Variants in TNRC6B observed in about 807,000 individuals in gnomAD.
TNRC6B encodes the protein trinucleotide repeat-containing gene 6B protein.
In TNRC6B, 52 loss-of-function variants were observed where a neutral mutation model predicts 203.6. The observed-to-expected ratio is 0.26, with a 90% CI of 0.20 to 0.32. The LOEUF (loss-of-function observed/expected upper bound fraction) is 0.32. Among genes scored for constraint, TNRC6B ranks in the 10% least tolerant of loss-of-function variants. The pLI, the probability that TNRC6B is intolerant of heterozygous loss-of-function variation, is 1.00. For missense variants in TNRC6B, 1,923 were observed against 2,286.2 expected (o/e 0.84, Z 3.24); for synonymous variants, 838 against 845.7 (o/e 0.99, Z 0.16).
intron 3 of TNRC6B, among the ~76,000 whole-genome samples, chr22:40,130,332 G>C (rs1281759117): frequency 6.6e-6 from 1 of 152,064 alleles, no homozygotes; most frequent in Non-Finnish European, 1.5e-5. Flanking sequence ...GAAAGGAAGT[G>C]GGTTCAGCTT....
intron 21 of TNRC6B, among the ~76,000 whole-genome samples, chr22:40,316,324 A>C (rs999402496): frequency 2.0e-5 from 3 of 151,260 alleles, no homozygotes; most frequent in Non-Finnish European, 2.9e-5. Flanking sequence ...AGTGCACTCC[A>C]GCCTGGGCGA....
intron 1 of TNRC6B, among the ~76,000 whole-genome samples, chr22:40,230,282 CT>C (rs56122256): frequency 0.31 from 29,128 of 94,584 alleles, 4,523 homozygotes; most frequent in East Asian, 0.52. Context: ...TGCCCATCTT[CT>C]TTTTTTTTTT....
rs747311146 is a variant in TNRC6B at position 40,266,723 on chromosome 22, A to G, written c.2493A>G (p.Pro831=). The change falls in exon 5 of 23, where the codon CCA becomes CCG. Residue 831 remains proline (P), a synonymous_variant. Transcript: ENST00000454349. The part of the protein sequence containing the change: ...QQQQPPQQPP[P]PQPEASGSWG... ...AGCAGCCCCCACAGCAGCCGCCGCC[A>G]CCACAACCAGAGGCTTCTGGTTCGT... 1.1e-5 allele frequency: 17 copies of G among 1,613,850 alleles called. No individual in the cohort carries two copies. The highest frequency in any genetic ancestry group is 1.3e-5 in the African/African-American group (1 of 74,926).
chr22:40,179,505 A>G (rs2069106579), intron 1 of TNRC6B, among the ~76,000 whole-genome samples: 2 of 152,252 alleles, frequency 1.3e-5, no homozygotes, highest in African/African-American at 4.8e-5. Flanking sequence ...TAGTTTAGAA[A>G]AGGCATTTAA....
intron 3 of TNRC6B, among the ~76,000 whole-genome samples, chr22:40,260,629 G>T (rs529256422): frequency 6.6e-6 from 1 of 151,826 alleles, no homozygotes; most frequent in East Asian, 1.9e-4. Flanking sequence ...TTTACTCAGG[G>T]GTAGATCTTT....
intron 15 of TNRC6B, among the ~76,000 whole-genome samples, chr22:40,303,917 ATTTTTTTTCCTTAGTT>A: frequency 6.6e-6 from 1 of 152,048 alleles, no homozygotes; most frequent in South Asian, 2.1e-4. Flanking sequence ...CTCAAAAATA[ATTTTTTTTCCTTAGTT>A]AGCATTATTA....
At chr22:40,222,634 T>G (rs2069725226) in intron 1 of TNRC6B, among the ~76,000 whole-genome samples, 1 of 151,852 alleles carries the variant, frequency 6.6e-6, no homozygotes, top group South Asian at 2.1e-4. Context: ...TCGAGATAAT[T>G]ATATATTCAA....
At chr22:40,147,210 C>T (rs1207014620) in intron 3 of TNRC6B, among the ~76,000 whole-genome samples, 5 of 144,250 alleles carry the variant, frequency 3.5e-5, no homozygotes, top group Admixed American at 6.7e-5. Flanking sequence ...AGACAAATAC[C>T]GTATGATTCT....
intron 3 of TNRC6B, among the ~76,000 whole-genome samples, chr22:40,128,575 T>C (rs2068514917): frequency 1.4e-5 from 2 of 146,382 alleles, no homozygotes; most frequent in South Asian, 4.2e-4. Context: ...GGCTCACGGC[T>C]CACAGCTCAC....
chr22:40,134,951 C>T (rs1288770258), intron 3 of TNRC6B, among the ~76,000 whole-genome samples: 2 of 152,226 alleles, frequency 1.3e-5, no homozygotes, highest in African/African-American at 4.8e-5. Flanking sequence ...CAGTTCTTCT[C>T]TTCCAAAGTG....
Position 40,332,611 on chromosome 22 carries a change from A to G in TNRC6B, c.*9370A>G, listed in dbSNP as rs1482325629. ...GATCACAGTCTCCTCGTGCCTGTGC[A>G]GGGCTGCACAGGCATGATCTTATCA... On this transcript the variant is annotated 3_prime_UTR_variant, in exon 23 of 23. Transcript: ENST00000454349. The G allele has an allele frequency of 2.0e-5, 3 of 152,568 alleles. No homozygotes were observed. In the East Asian group the frequency reaches 5.8e-4, roughly 29 times the overall value. 9.5% of individuals were successfully genotyped at this position (152,568 alleles called of 1,614,324 possible). A position where few individuals can be genotyped will look rare whatever the true frequency, so the allele number is the denominator to read the frequency against.
chr22:40,202,141 C>G (rs1195015534), intron 1 of TNRC6B, among the ~76,000 whole-genome samples: 2 of 152,036 alleles, frequency 1.3e-5, no homozygotes, highest in Non-Finnish European at 2.9e-5. Flanking sequence ...AATATTAATT[C>G]CTACTTCTAG....
chr22:40,232,402 G>T (rs1433018788), intron 1 of TNRC6B, among the ~76,000 whole-genome samples: 2 of 152,152 alleles, frequency 1.3e-5, no homozygotes, highest in Admixed American at 1.3e-4. Flanking sequence ...GATGCATCAT[G>T]GATAACTGCA....
At chr22:40,270,313 CTTT>C (rs372710238) in intron 6 of TNRC6B, 33 bp downstream of exon 6, 7,093 of 1,198,832 alleles carry the variant, frequency 5.9e-3, no homozygotes, top group East Asian at 0.01. Context: ...TTGAGGGATC[CTTT>C]TTTTTTTTTT....
chr22:40,312,771 C>A (rs2071203277), intron 18 of TNRC6B, 120 bp downstream of exon 18: 6 of 1,476,418 alleles, frequency 4.1e-6, no homozygotes, highest in South Asian at 1.2e-5. Context: ...AAAAAGATTG[C>A]TTTTCACTTT....
At chr22:40,268,048 T>TG (rs1224258160) in intron 5 of TNRC6B, among the ~76,000 whole-genome samples, 1 of 152,210 alleles carries the variant, frequency 6.6e-6, no homozygotes, top group African/African-American at 2.4e-5. Flanking sequence ...TTAAGGGGGA[T>TG]GCACCTTTCA....
chr22:40,078,051 A>G (rs1271341826), intron 1 of TNRC6B, among the ~76,000 whole-genome samples: 1 of 152,234 alleles, frequency 6.6e-6, no homozygotes, highest in African/African-American at 2.4e-5. Context: ...TATTAGCTAA[A>G]TTTCCATAAG....
intron 1 of TNRC6B, among the ~76,000 whole-genome samples, chr22:40,093,574 A>T (rs540304767): frequency 6.6e-6 from 1 of 152,366 alleles, no homozygotes; most frequent in South Asian, 2.1e-4. Context: ...TGACAGTGGA[A>T]GCCACAAGAC....
Position 40,324,060 on chromosome 22 carries a change from A to AAC in TNRC6B, c.*825_*826dup, listed in dbSNP as rs2071373715. On this transcript the variant is annotated 3_prime_UTR_variant, in exon 23 of 23. Transcript: ENST00000454349. Reference sequence around the variant, plus strand: ...TTTATTTTATTTTTTTAACTATGAGAACACACAGGCCCGGAGAGCCACTGC... The same window carrying AAC: ...TTTATTTTATTTTTTTAACTATGAGAACACACACAGGCCCGGAGAGCCACTGC... 1 of 152,436 alleles carries AAC rather than the reference A, an allele frequency of 6.6e-6. No homozygotes were observed. The allele number at this position is 152,436 out of a possible 1,614,324, so 9.4% of individuals were successfully genotyped here. A position where few individuals can be genotyped will look rare whatever the true frequency, so the allele number is the denominator to read the frequency against.
Sources: allele counts gnomAD v4.1 joint callset (sites outside exome capture counted in the v4.1 genomes callset), GRCh38; gene constraint gnomAD v4.1.1; transcripts MANE v1.5; gene names NCBI Gene and HGNC (gene_info 2026-07-23, HGNC 2026-07-21).